Variants in INPP5F observed in about 807,000 individuals in gnomAD.
The protein encoded by INPP5F is phosphatidylinositide 4-phosphatase SAC2.
In INPP5F, 97 loss-of-function variants were observed where a neutral mutation model predicts 137.2. The ratio of observed to expected loss-of-function variants is 0.71; its 90% confidence interval spans 0.60 to 0.84. INPP5F has a LOEUF of 0.84. Ranked by LOEUF, INPP5F falls within the 40% of genes least tolerant of loss-of-function variation. The probability of loss-of-function intolerance (pLI) is 0.00; values close to 1 mark genes in which losing one functional copy is unlikely to be tolerated. For synonymous variants in INPP5F, 504 were observed against 476.9 expected, an observed-to-expected ratio of 1.06 and a Z score of -0.74; for missense variants, 1,271 against 1,371.9, an observed-to-expected ratio of 0.93 and a Z score of 1.16.
chr10:119,747,695 T>C (rs1022796920), intron 1 of INPP5F, among the ~76,000 whole-genome samples: 25 of 152,172 alleles, frequency 1.6e-4, no homozygotes, highest in African/African-American at 5.8e-4. Context: ...AGCTATTAAT[T>C]AGAGAGGCAA....
rs749916195 is a variant in INPP5F at position 119,811,991 on chromosome 10, T to C, written c.1886+36T>C. 7 of 1,546,620 alleles carry C rather than the reference T, an allele frequency of 4.5e-6. No homozygotes were observed. The African/African-American group carries it at 5.4e-5, about 12-fold the overall frequency. ...GTGGTGTCCAGGTGACCAGCTTGCT[T>C]AACTGATGTTGGGAAGTTGTCATGA... On this transcript the variant is annotated intron_variant, in intron 15 of 19. Transcript: ENST00000650623.
intron 1 of INPP5F, among the ~76,000 whole-genome samples, chr10:119,726,631 T>TGGGGCCC (rs1847901798): frequency 6.6e-6 from 1 of 152,208 alleles, no homozygotes; most frequent in Non-Finnish European, 1.5e-5. Context: ...CCTTGGGGCT[T>TGGGGCCC]GGGGCCCAGG....
chr10:119,812,700 C>T (rs1341966772), intron 15 of INPP5F, among the ~76,000 whole-genome samples: 1 of 152,122 alleles, frequency 6.6e-6, no homozygotes, highest in Non-Finnish European at 1.5e-5. Flanking sequence ...CATAGGGAAA[C>T]ATCCCATGAT....
rs1049214135 is a variant in INPP5F, at chr10:119,750,308, G to A, written c.98-768G>A. 6.6e-5 allele frequency among the ~76,000 whole-genome samples: 10 copies of A among 152,116 alleles called. No homozygotes were observed. The South Asian group carries it at 1.5e-3, about 22-fold the overall frequency. On this transcript the variant is annotated intron_variant, in intron 1 of 19. Coordinates refer to ENST00000650623, the MANE Select transcript of INPP5F (RefSeq NM_014937.4). The stretch of plus-strand genomic sequence containing the variant: ...TCATTCTTGATAATCTTCACCTGTC[G>A]AACTACCACAAATGTTACGTTTATT...
intron 2 of INPP5F, 98 bp from the exon 3 acceptor site, chr10:119,781,536 CT>C (rs5788367): frequency 0.011 from 10,349 of 924,972 alleles, 1 homozygote; most frequent in Non-Finnish European, 0.012. Context: ...TGGATGCACA[CT>C]TTTTTTTTTG....
Position 119,826,990 on chromosome 10 carries a change from A to T in INPP5F, c.2609A>T (p.Asp870Val). ...GAATTCCTTACAAATTCTAAGTCTG[A>T]TGAAGACAGGCAGCTAGCTAACTCA... Reference protein sequence around the residue: ...SDEFLTNSKSDEDRQLANSLE... With the variant: ...SDEFLTNSKSVEDRQLANSLE... Residue 870 changes from aspartate (D) to valine (V), a missense_variant, in exon 20 of 20, where the codon GAT becomes GTT. Physicochemically the swap from Asp to Val is radical, Grantham distance 152. Around this residue, in one of 6 missense-constraint regions of INPP5F, gnomAD observed 490 missense variants for 443.7 expected, o/e 1.10. Transcript: ENST00000650623. 6.2e-7 allele frequency: 1 copy of T among 1,614,182 alleles called. No individual in the cohort carries two copies. Among genetic ancestry groups the T allele is most frequent in the Non-Finnish European group, 8.5e-7 (1 of 1,180,010 alleles).
chr10:119,756,316 G>A (rs1848840765), intron 2 of INPP5F, among the ~76,000 whole-genome samples: 1 of 151,950 alleles, frequency 6.6e-6, no homozygotes, highest in South Asian at 2.1e-4. Context: ...TTTTTCTAAT[G>A]TTAGTTTTTG....
chr10:119,731,870 A>T (rs1268323949), intron 1 of INPP5F, among the ~76,000 whole-genome samples: 2 of 152,066 alleles, frequency 1.3e-5, no homozygotes, highest in African/African-American at 4.8e-5. Context: ...TCCATATTTT[A>T]TATTGCTGAC....
At chr10:119,806,141 T>G (rs548467021) in intron 11 of INPP5F, among the ~76,000 whole-genome samples, 1 of 152,138 alleles carries the variant, frequency 6.6e-6, no homozygotes, top group East Asian at 1.9e-4. Flanking sequence ...CACCCCAGTT[T>G]TTTTTTTTCC....
At chr10:119,781,504 GTTTTAC>G in intron 2 of INPP5F, 125 bp from the exon 3 acceptor site, 1 of 661,378 alleles carries the variant, frequency 1.5e-6, no homozygotes, top group Non-Finnish European at 2.3e-6. Context: ...TTTGTGACAT[GTTTTAC>G]TTTAAAAGTT....
chr10:119,811,486 G>T lies in INPP5F; in HGVS notation c.1688-271G>T, dbSNP rs1458324561. The stretch of plus-strand genomic sequence containing the variant: ...AGATGAATTGTAAATATTTTCTCCT[G>T]TTCTAGGGGTTATCTTTTCACTTTT... On this transcript the variant is annotated intron_variant, in intron 14 of 19. Transcript: ENST00000650623. Among the ~76,000 whole-genome samples the T allele has an allele frequency of 2.0e-5, 3 of 152,058 alleles. No individual in the cohort carries two copies. The East Asian group carries it at 5.8e-4, about 29-fold the overall frequency.
At chr10:119,771,822 A>AGTGGCG (rs2134161230) in intron 2 of INPP5F, among the ~76,000 whole-genome samples, 1 of 123,150 alleles carries the variant, frequency 8.1e-6, no homozygotes, top group East Asian at 2.6e-4. Flanking sequence ...AATGTTTATC[A>AGTGGCG]TCCATACTCC....
rs371949230 is a variant in INPP5F at position 119,806,382 on chromosome 10, T to A, written c.1342T>A (p.Cys448Ser). 6.3e-7 allele frequency: 1 copy of A among 1,588,198 alleles called. No individual in the cohort carries two copies. The highest frequency in any genetic ancestry group is 8.6e-7 in the Non-Finnish European group (1 of 1,165,340). Reference sequence around the variant, plus strand: ...AAGGGTTGATGAAGCTGGGGTAATATGTAAGCAGGAAGGGATTTTTCGTGT... The same window carrying A: ...AAGGGTTGATGAAGCTGGGGTAATAAGTAAGCAGGAAGGGATTTTTCGTGT... The part of the protein sequence containing the change: ...WCWVDEAGVI[C>S]KQEGIFRVNC... Residue 448 changes from cysteine (C) to serine (S), a missense_variant, in exon 12 of 20, where the codon TGT becomes AGT. Cys to Ser is a moderately radical substitution (Grantham distance 112). This residue lies in a region of INPP5F where 593 missense variants were observed against 712.4 expected (regional missense o/e 0.83). Transcript: ENST00000650623.
intron 6 of INPP5F, among the ~76,000 whole-genome samples, chr10:119,795,632 G>A (rs1308035186): frequency 2.0e-5 from 3 of 148,940 alleles, no homozygotes; most frequent in Non-Finnish European, 3.0e-5. Context: ...CATCCCAGAC[G>A]ATGGGTGGCC....
At chr10:119,813,057 G>A (rs145353594) in intron 15 of INPP5F, among the ~76,000 whole-genome samples, 18 of 152,072 alleles carry the variant, frequency 1.2e-4, no homozygotes, top group Non-Finnish European at 2.4e-4. Context: ...TCTTTCTTCA[G>A]TCAAGTGTTT....
At chr10:119,806,588 A>C in intron 12 of INPP5F, 108 bp downstream of exon 12, 1 of 1,042,238 alleles carries the variant, frequency 9.6e-7, no homozygotes, top group Non-Finnish European at 1.3e-6. Context: ...TCTTTACAAC[A>C]TTTACAATAT....
intron 2 of INPP5F, among the ~76,000 whole-genome samples, chr10:119,774,592 C>G (rs1849462601): frequency 6.6e-6 from 1 of 151,760 alleles, no homozygotes; most frequent in Non-Finnish European, 1.5e-5. Flanking sequence ...CCTTGGCCTC[C>G]CAAAGTGCTG....
In INPP5F at chr10:119,823,802, A is replaced by G; in HGVS notation, c.2162-13A>G. On this transcript the variant is annotated splice_polypyrimidine_tract_variant and intron_variant, in intron 18 of 19. Coordinates refer to ENST00000650623, the MANE Select transcript of INPP5F (RefSeq NM_014937.4). ...TATGGAGAAATTGGCAGGCAGTTATATTTGGGTTGCAGATACCCTTCAGTG... is the reference window on the plus strand; with the variant it reads ...TATGGAGAAATTGGCAGGCAGTTATGTTTGGGTTGCAGATACCCTTCAGTG... 6.2e-7 allele frequency: 1 copy of G among 1,608,256 alleles called. No individual in the cohort carries two copies. The highest frequency in any genetic ancestry group is 8.5e-7 in the Non-Finnish European group (1 of 1,175,848).
At chr10:119,794,852 C>T (rs1351239891) in intron 6 of INPP5F, among the ~76,000 whole-genome samples, 1 of 106,642 alleles carries the variant, frequency 9.4e-6, no homozygotes, top group Non-Finnish European at 2.2e-5. Flanking sequence ...GGGGGTCTGA[C>T]CCCCTCCCCA....
Sources: gnomAD v4.1 joint callset for allele counts (sites outside exome capture counted in the v4.1 genomes callset) on GRCh38, gnomAD v4.1.1 for gene constraint, gnomAD v4.1.1 regional missense constraint, MANE v1.5 for transcripts, NCBI Gene and HGNC (gene_info 2026-07-23, HGNC 2026-07-21) for gene names.